The following PDCD4 variants were observed in gnomAD, a reference collection of about 807,000 sequenced individuals.
The protein encoded by PDCD4 is programmed cell death protein 4.
A neutral mutation model predicts 54.0 loss-of-function variants in PDCD4; 56 were observed. That is an observed-to-expected ratio of 1.04 (90% CI 0.84 to 1.30). The LOEUF is 1.30. PDCD4 is among the 50% of genes most tolerant of loss of function. The pLI is 0.00. For synonymous variants in PDCD4, 186 were observed against 194.8 expected (o/e 0.95, Z 0.37); for missense variants, 584 against 559.8 (o/e 1.04, Z -0.44).
chr10:110,875,761 T>C (rs1320493089), intron 1 of PDCD4, among the ~76,000 whole-genome samples: 1 of 152,200 alleles, frequency 6.6e-6, no homozygotes, highest in Non-Finnish European at 1.5e-5. Flanking sequence ...TTTTTGACTT[T>C]GATAAATTTA....
At position 110,883,151 on chromosome 10, in the gene PDCD4, C is replaced by G. The variant is rs182923934; in HGVS notation, c.441+54C>G. 18 of 1,193,746 alleles carry G rather than the reference C, an allele frequency of 1.5e-5. No individual in the cohort carries two copies. In the Admixed American group the frequency reaches 2.5e-4, roughly 17 times the overall value. 73.9% of individuals were successfully genotyped at this position (1,193,746 alleles called of 1,614,324 possible). ...TTAAAATGTTTATGAACTTTTTTGACTTCATGTTTGTAGTTTACTCATACA... is the reference window on the plus strand; with the variant it reads ...TTAAAATGTTTATGAACTTTTTTGAGTTCATGTTTGTAGTTTACTCATACA... On this transcript the variant is annotated intron_variant, in intron 4 of 11. Transcript: ENST00000280154.
In PDCD4 at chr10:110,895,424, G is replaced by T. The variant is rs568191790; in HGVS notation, c.1210-524G>T. Among the ~76,000 whole-genome samples the T allele has an allele frequency of 3.9e-3, 598 of 152,142 alleles. 5 individuals carry two copies. Among genetic ancestry groups the T allele is most frequent in the African/African-American group, 0.014 (580 of 41,512 alleles). ...GGACATGATTTTGTTCTTTTTTATG[G>T]CTATGTAGCATTCCATGGGCGTATA... On this transcript the variant is annotated intron_variant, in intron 10 of 11. Transcript: ENST00000280154.
chr10:110,882,933 C>A, intron 3 of PDCD4, 70 bp from the exon 4 acceptor site: 1 of 969,950 alleles, frequency 1.0e-6, no homozygotes, highest in Non-Finnish European at 1.6e-6. Context: ...AACATCGGAA[C>A]ATTTTATTTT....
At position 110,890,542 on chromosome 10, in the gene PDCD4, T is replaced by C; in HGVS notation, c.876-14T>C. The C allele has an allele frequency of 6.5e-7, 1 of 1,548,354 alleles. No individual in the cohort carries two copies. The highest frequency in any genetic ancestry group is 1.2e-5 in the South Asian group (1 of 84,304). On this transcript the variant is annotated splice_polypyrimidine_tract_variant and intron_variant, in intron 7 of 11. Coordinates refer to ENST00000280154, the MANE Select transcript of PDCD4 (RefSeq NM_014456.5). ...GTCCAGCTATCAAACTTAAATTTTT[T>C]TCTTTCTCTGTAGAGCTGCTCTGGA... is the stretch of plus-strand genomic sequence containing the variant.
chr10:110,885,010 A>T (rs1440154171), intron 4 of PDCD4: 5 of 305,172 alleles, frequency 1.6e-5, no homozygotes, highest in Non-Finnish European at 3.0e-5. Context: ...TTCCCAGGCT[A>T]GTATTGAACT....
At chr10:110,897,906 T>A (rs1416388097) in intron 11 of PDCD4, 122 bp from the exon 12 acceptor site, 5 of 519,698 alleles carry the variant, frequency 9.6e-6, no homozygotes, top group African/African-American at 5.9e-5. Context: ...TTTTTTTTTT[T>A]AATGGAAAAC....
chr10:110,882,478 C>A (rs1295774842), intron 3 of PDCD4, among the ~76,000 whole-genome samples: 2 of 152,058 alleles, frequency 1.3e-5, no homozygotes, highest in Non-Finnish European at 2.9e-5. Context: ...AGTTAGAATT[C>A]TTTTCTATAT....
intron 7 of PDCD4, 35 bp from the exon 8 acceptor site, chr10:110,890,521 A>G: frequency 7.9e-7 from 1 of 1,273,618 alleles, no homozygotes. Flanking sequence ...AGGTATGTCC[A>G]GCTATCAAAC....
chr10:110,889,389 G>GT (rs1000427214), intron 6 of PDCD4, 144 bp from the exon 7 acceptor site: 663 of 625,080 alleles, frequency 1.1e-3, no homozygotes, highest in Admixed American at 2.1e-3. Context: ...TACTACATAG[G>GT]TTTTTTTTTA....
chr10:110,894,412 G>C lies in PDCD4; in HGVS notation c.1099G>C (p.Ala367Pro). 1.4e-6 allele frequency: 2 copies of C among 1,447,644 alleles called. No homozygotes were observed. Among genetic ancestry groups the C allele is most frequent in the Non-Finnish European group, 1.9e-6 (2 of 1,034,528 alleles). 89.7% of individuals were successfully genotyped at this position (1,447,644 alleles called of 1,614,324 possible). A position where few individuals can be genotyped will look rare whatever the true frequency, so the allele number is the denominator to read the frequency against. ...ATTCACTCATTGATTCAATTTTTAGGCTATTATAATGGTTTTAGAGTCAAC... is the reference window on the plus strand; with the variant it reads ...ATTCACTCATTGATTCAATTTTTAGCCTATTATAATGGTTTTAGAGTCAAC... ...PHFHHELVYE[A>P]IIMVLESTGE... The change falls in exon 10 of 12, where the codon GCT (alanine) becomes CCT (proline). Residue 367 changes from alanine (A) to proline (P), a missense_variant and splice_region_variant. Physicochemically the swap from Ala to Pro is conservative, Grantham distance 27. Transcript: ENST00000280154.
At chr10:110,890,803 A>AT in intron 8 of PDCD4, 133 bp downstream of exon 8, 1 of 457,824 alleles carries the variant, frequency 2.2e-6, no homozygotes. Flanking sequence ...AAATGAAATA[A>AT]TTTTTTTAAT....
chr10:110,892,352 T>C (rs961027090), intron 8 of PDCD4, among the ~76,000 whole-genome samples: 3 of 152,140 alleles, frequency 2.0e-5, no homozygotes, highest in Admixed American at 6.5e-5. Context: ...TAAAGAAAAT[T>C]GACAAGATAA....
At position 110,880,106 on chromosome 10, in the gene PDCD4, C is replaced by G. The variant is rs573215978; in HGVS notation, c.44-1127C>G. On this transcript the variant is annotated intron_variant, in intron 2 of 11. Transcript: ENST00000280154. Reference sequence around the variant, plus strand: ...TTTCTGACTTAAAGAGCTTTCAGGGCAAAGCCAAGTGCCTCCACTTGATCT... The same window carrying G: ...TTTCTGACTTAAAGAGCTTTCAGGGGAAAGCCAAGTGCCTCCACTTGATCT... Among the ~76,000 whole-genome samples, 3 of 152,268 alleles carry G rather than the reference C, an allele frequency of 2.0e-5. No individual in the cohort carries two copies. The East Asian group carries it at 5.8e-4, about 29-fold the overall frequency.
At chr10:110,883,667 A>G (rs183122639) in intron 4 of PDCD4, among the ~76,000 whole-genome samples, 164 of 152,212 alleles carry the variant, frequency 1.1e-3, no homozygotes, top group Admixed American at 4.3e-3. Flanking sequence ...TCCGTCTTCT[A>G]TTGGCCCCTT....
intron 2 of PDCD4, among the ~76,000 whole-genome samples, chr10:110,878,896 A>G (rs1241684415): frequency 6.6e-6 from 1 of 152,176 alleles, no homozygotes; most frequent in Non-Finnish European, 1.5e-5. Flanking sequence ...AATAGATGAC[A>G]ATAGTAATGG....
intron 4 of PDCD4, among the ~76,000 whole-genome samples, chr10:110,884,443 G>C (rs1253370718): frequency 6.6e-6 from 1 of 152,066 alleles, no homozygotes; most frequent in African/African-American, 2.4e-5. Context: ...AATTTCAATT[G>C]AACAGTGCTT....
intron 1 of PDCD4, among the ~76,000 whole-genome samples, chr10:110,873,014 A>T (rs1247454671): frequency 6.6e-6 from 1 of 152,216 alleles, no homozygotes; most frequent in Non-Finnish European, 1.5e-5. Flanking sequence ...CCTGTTTTTA[A>T]CTTGTATTTT....
At chr10:110,874,743 G>A (rs1431172765) in intron 1 of PDCD4, among the ~76,000 whole-genome samples, 1 of 151,940 alleles carries the variant, frequency 6.6e-6, no homozygotes, top group African/African-American at 2.4e-5. Flanking sequence ...AAATAATACC[G>A]TTTTCTGAAG....
chr10:110,899,277 T>C lies in PDCD4; in HGVS notation c.*1189T>C, dbSNP rs1189344889. On this transcript the variant is annotated 3_prime_UTR_variant, in exon 12 of 12. Coordinates refer to ENST00000280154, the MANE Select transcript of PDCD4 (RefSeq NM_014456.5). ...AGGGTACTGTTAGGAGTATACTGCTTACAGGTTTAGATATAGTCTGTTAGA... is the reference window on the plus strand; with the variant it reads ...AGGGTACTGTTAGGAGTATACTGCTCACAGGTTTAGATATAGTCTGTTAGA... 1 of 152,220 alleles carries C rather than the reference T, an allele frequency of 6.6e-6. No homozygotes were observed. The highest frequency in any genetic ancestry group is 1.5e-5 in the Non-Finnish European group (1 of 68,022). 9.4% of individuals were successfully genotyped at this position (152,220 alleles called of 1,614,324 possible).
Sources: gnomAD v4.1 joint callset for allele counts (sites outside exome capture counted in the v4.1 genomes callset) on GRCh38, gnomAD v4.1.1 for gene constraint, MANE v1.5 for transcripts, NCBI Gene and HGNC (gene_info 2026-07-23, HGNC 2026-07-21) for gene names.